Variants in TMEM161B observed in about 807,000 individuals in gnomAD.
TMEM161B encodes the protein transmembrane protein 161B.
Under a neutral mutation model 61.8 loss-of-function variants are expected in TMEM161B, and 34 were observed. The observed-to-expected ratio is 0.55, with a 90% CI of 0.42 to 0.73. TMEM161B has a LOEUF of 0.73. Ranked by LOEUF, TMEM161B falls within the 30% of genes least tolerant of loss-of-function variation. TMEM161B has a pLI of 0.00. For synonymous variants in TMEM161B, 167 were observed against 192.8 expected, an observed-to-expected ratio of 0.87 and a Z score of 1.11; for missense variants, 456 against 558.5, an observed-to-expected ratio of 0.82 and a Z score of 1.85.
chr5:88,251,832 T>C (rs1173241963), intron 1 of TMEM161B, among the ~76,000 whole-genome samples: 2 of 152,152 alleles, frequency 1.3e-5, no homozygotes, highest in African/African-American at 4.8e-5. Flanking sequence ...ACATCCAGTA[T>C]CTTCCTGGCT....
intron 5 of TMEM161B, among the ~76,000 whole-genome samples, chr5:88,214,830 A>T (rs765836397): frequency 1.8e-4 from 28 of 152,230 alleles, no homozygotes; most frequent in Non-Finnish European, 3.8e-4. Context: ...TGGGTTTAGG[A>T]GTGAGATTGA....
intron 11 of TMEM161B, 22 bp downstream of exon 11, chr5:88,197,647 C>T (rs1232549276): frequency 1.3e-6 from 2 of 1,588,930 alleles, no homozygotes; most frequent in South Asian, 1.1e-5. Flanking sequence ...AAGATGCTTC[C>T]TAGTTGCCAG....
intron 1 of TMEM161B, among the ~76,000 whole-genome samples, chr5:88,247,566 T>C (rs1753773641): frequency 6.6e-6 from 1 of 152,100 alleles, no homozygotes; most frequent in African/African-American, 2.4e-5. Context: ...CTTGACTGTT[T>C]ACATGTTTTA....
intron 3 of TMEM161B, among the ~76,000 whole-genome samples, chr5:88,226,083 G>A (rs1396564612): frequency 6.6e-6 from 1 of 152,130 alleles, no homozygotes; most frequent in Non-Finnish European, 1.5e-5. Context: ...CAGATTACCA[G>A]GGAAATAATT....
At chr5:88,223,932 G>C (rs975600000) in intron 4 of TMEM161B, among the ~76,000 whole-genome samples, 1 of 151,762 alleles carries the variant, frequency 6.6e-6, no homozygotes, top group African/African-American at 2.4e-5. Context: ...TATTAGACAA[G>C]TGATTTATAT....
chr5:88,233,883 A>G (rs552862904), intron 2 of TMEM161B, among the ~76,000 whole-genome samples: 8 of 152,254 alleles, frequency 5.3e-5, no homozygotes, highest in South Asian at 2.1e-4. Context: ...AGGTGATTAC[A>G]TAATTGTGGC....
intron 1 of TMEM161B, among the ~76,000 whole-genome samples, chr5:88,263,733 T>C (rs1421143646): frequency 6.6e-6 from 1 of 152,226 alleles, no homozygotes; most frequent in Non-Finnish European, 1.5e-5. Context: ...TTTAAGCTTT[T>C]GTTGCGGAGA....
chr5:88,221,131 T>C (rs1460207771), intron 4 of TMEM161B, among the ~76,000 whole-genome samples: 1 of 152,262 alleles, frequency 6.6e-6, no homozygotes, highest in Non-Finnish European at 1.5e-5. Context: ...TTAGTTATAC[T>C]GTTCACTTTT....
exon 13 of TMEM161B, chr5:88,190,016 G>T: frequency 1.4e-6 from 1 of 699,194 alleles, no homozygotes; most frequent in South Asian, 1.5e-5. Context: ...TATCTGAGCC[G>T]ATCCGTAAGG....
chr5:88,224,509 G>A (rs1270553234), intron 4 of TMEM161B, among the ~76,000 whole-genome samples: 1 of 152,072 alleles, frequency 6.6e-6, no homozygotes, highest in African/African-American at 2.4e-5. Flanking sequence ...TATATAGGAG[G>A]AAAACTAAAT....
At chr5:88,188,486 A>G (rs139736282), downstream of TMEM161B, among the ~76,000 whole-genome samples, 1,558 of 152,274 alleles carry the variant, frequency 0.01, 19 homozygotes, top group Middle Eastern at 0.037. Flanking sequence ...CAGTATTTTT[A>G]CATTTCTTAA....
chr5:88,206,948 C>A, intron 6 of TMEM161B, 81 bp downstream of exon 6: 1 of 1,186,776 alleles, frequency 8.4e-7, no homozygotes, highest in Non-Finnish European at 1.2e-6. Flanking sequence ...ATTTATCAGA[C>A]ATAAAACTTA....
In TMEM161B at chr5:88,239,892, T is replaced by C. The variant is rs187597790; in HGVS notation, c.107+921A>G. On this transcript the variant is annotated intron_variant, in intron 2 of 11. Coordinates refer to ENST00000296595, the MANE Select transcript of TMEM161B (RefSeq NM_153354.5). ...GTATCCATTGTTTTTCTAACTTCAA[T>C]AGGCCTAACCAAAAGAAAGCAGTAA... Among the ~76,000 whole-genome samples the C allele has an allele frequency of 1.7e-3, 261 of 152,110 alleles. 2 individuals carry two copies. Among genetic ancestry groups the C allele is most frequent in the African/African-American group, 5.9e-3 (247 of 41,540 alleles).
At chr5:88,218,473 A>C (rs1289771046) in intron 5 of TMEM161B, among the ~76,000 whole-genome samples, 2 of 152,190 alleles carry the variant, frequency 1.3e-5, no homozygotes, top group Non-Finnish European at 2.9e-5. Context: ...GATAATGCAG[A>C]GAAAAAAACA....
chr5:88,206,516 A>G lies in TMEM161B; in HGVS notation c.599-17T>C, dbSNP rs1425938817. ...TTGTAAACCCTGTGGGGGAAAAAAA[A>G]AAAAACAACAGATTACTCTTATCAC... On this transcript the variant is annotated splice_polypyrimidine_tract_variant and intron_variant, in intron 6 of 11. Coordinates refer to ENST00000296595, the MANE Select transcript of TMEM161B (RefSeq NM_153354.5). The G allele has an allele frequency of 6.4e-7, 1 of 1,556,344 alleles. No homozygotes were observed. Among genetic ancestry groups the G allele is most frequent in the Non-Finnish European group, 8.7e-7 (1 of 1,152,320 alleles).
chr5:88,205,115 T>C (rs1037689344), intron 8 of TMEM161B, among the ~76,000 whole-genome samples: 1 of 152,150 alleles, frequency 6.6e-6, no homozygotes, highest in Non-Finnish European at 1.5e-5. Context: ...AGCCTATCTT[T>C]CTGCCAAGAT....
At chr5:88,203,394 T>C (rs2112384012) in intron 8 of TMEM161B, among the ~76,000 whole-genome samples, 1 of 152,242 alleles carries the variant, frequency 6.6e-6, no homozygotes, top group East Asian at 1.9e-4. Flanking sequence ...TAGTATTCTT[T>C]AATAATCTCA....
intron 9 of TMEM161B, chr5:88,199,947 T>C (rs1344212617): frequency 6.6e-6 from 1 of 152,102 alleles, no homozygotes; most frequent in Non-Finnish European, 1.5e-5. Context: ...TCTAGTCTTA[T>C]ATCTAGTACC....
intron 4 of TMEM161B, 51 bp from the exon 5 acceptor site, chr5:88,220,770 C>T: frequency 7.3e-7 from 1 of 1,379,006 alleles, no homozygotes; most frequent in Non-Finnish European, 9.7e-7. Context: ...AAAACAGTTT[C>T]ACTTACATTT....
Sources: allele counts gnomAD v4.1 joint callset (sites outside exome capture counted in the v4.1 genomes callset), GRCh38; gene constraint gnomAD v4.1.1; transcripts MANE v1.5; gene names NCBI Gene and HGNC (gene_info 2026-07-23, HGNC 2026-07-21).